The following CALN1 variants were observed in gnomAD, a reference collection of about 807,000 sequenced individuals.
CALN1 encodes the protein calneuron 1.
A neutral mutation model predicts 30.6 loss-of-function variants in CALN1; 17 were observed. That is an observed-to-expected ratio of 0.56 (90% CI 0.38 to 0.83). The LOEUF is 0.83. Among genes scored for constraint, CALN1 ranks in the 40% least tolerant of loss-of-function variants. The pLI, the probability that CALN1 is intolerant of heterozygous loss-of-function variation, is 0.00. For synonymous variants in CALN1, 156 were observed against 131.4 expected (o/e 1.19, Z -1.28); for missense variants, 291 against 354.9 (o/e 0.82, Z 1.45).
intron 1 of CALN1, among the ~76,000 whole-genome samples, chr7:72,404,406 G>A (rs964614914): frequency 2.0e-5 from 3 of 152,126 alleles, no homozygotes; most frequent in Non-Finnish European, 4.4e-5. Flanking sequence ...TTCATTGAAG[G>A]TAAAAACAAA....
intron 2 of CALN1, among the ~76,000 whole-genome samples, chr7:72,388,491 A>G (rs541086087): frequency 1.3e-5 from 2 of 152,200 alleles, no homozygotes; most frequent in Non-Finnish European, 2.9e-5. Flanking sequence ...ATAATGTATC[A>G]AAGTGGTTCA....
chr7:72,447,631 GCA>G (rs1385949292), upstream of CALN1, among the ~76,000 whole-genome samples: 1 of 152,092 alleles, frequency 6.6e-6, no homozygotes, highest in Non-Finnish European at 1.5e-5. Context: ...TAAGCTGCAT[GCA>G]CACACGCCTA....
chr7:72,288,440 T>A (rs1312299179), intron 2 of CALN1, among the ~76,000 whole-genome samples: 1 of 152,158 alleles, frequency 6.6e-6, no homozygotes, highest in Non-Finnish European at 1.5e-5. Context: ...TCTGCCACAT[T>A]GTTTTCATTA....
At chr7:71,983,408 T>C (rs543844129) in intron 5 of CALN1, among the ~76,000 whole-genome samples, 55 of 152,250 alleles carry the variant, frequency 3.6e-4, no homozygotes, top group African/African-American at 1.2e-3. Flanking sequence ...ATAAGGATAG[T>C]ACAAATGAGT....
intron 6 of CALN1, 43 bp from the exon 7 acceptor site, chr7:71,787,945 T>C: frequency 6.2e-7 from 1 of 1,612,920 alleles, no homozygotes; most frequent in Non-Finnish European, 8.5e-7. Context: ...GAAGAGGGGT[T>C]GGGAGAAGAG....
chr7:72,319,362 G>A (rs573629564), intron 2 of CALN1, among the ~76,000 whole-genome samples: 73 of 152,116 alleles, frequency 4.8e-4, no homozygotes, highest in Non-Finnish European at 9.6e-4. Flanking sequence ...GGCAAAGACA[G>A]AGAGCTTGTG....
rs557483671 is a variant in CALN1 at position 72,292,913 on chromosome 7, C to T, written c.120-14103G>A. 3.1e-4 allele frequency among the ~76,000 whole-genome samples: 47 copies of T among 151,926 alleles called. 1 individual carries two copies. Among genetic ancestry groups the T allele is most frequent in the African/African-American group, 1.0e-3 (43 of 41,444 alleles). ...GGCTGGGAAACCGGAGTCTCATTTCCTATTTCCTGCCTGTGCCAGTCCAAG... is the reference window on the plus strand; with the variant it reads ...GGCTGGGAAACCGGAGTCTCATTTCTTATTTCCTGCCTGTGCCAGTCCAAG... On this transcript the variant is annotated intron_variant, in intron 2 of 6. Transcript: ENST00000395275.
intron 2 of CALN1, among the ~76,000 whole-genome samples, chr7:72,371,742 G>C (rs528685126): frequency 1.3e-5 from 2 of 152,276 alleles, no homozygotes; most frequent in Non-Finnish European, 2.9e-5. Context: ...GTTTCACCAG[G>C]TTTCACTGAT....
chr7:72,412,982 G>A (rs1807273481), upstream of CALN1, among the ~76,000 whole-genome samples: 1 of 152,210 alleles, frequency 6.6e-6, no homozygotes, highest in Non-Finnish European at 1.5e-5. Flanking sequence ...TCTGATGGCT[G>A]TGCTGGCTCA....
chr7:72,034,366 A>AAAAAG (rs1348720335), intron 4 of CALN1, among the ~76,000 whole-genome samples: 1 of 150,988 alleles, frequency 6.6e-6, no homozygotes, highest in South Asian at 2.1e-4. Flanking sequence ...AAAAAAAAAA[A>AAAAAG]AAAAGAAAAG....
rs190437112 is a variant in CALN1, at chr7:72,156,575, G to A, written c.245-50281C>T. 5.3e-5 allele frequency among the ~76,000 whole-genome samples: 8 copies of A among 152,314 alleles called. No individual in the cohort carries two copies. In the East Asian group the frequency reaches 1.5e-3, roughly 29 times the overall value. ...AGCCAGCACAGAGCCATCCCTTGGG[G>A]AAGGGCCCCATGAGTCCCCATGTCA... On this transcript the variant is annotated intron_variant, in intron 3 of 6. Coordinates refer to ENST00000395275, the MANE Select transcript of CALN1 (RefSeq NM_031468.4).
intron 5 of CALN1, among the ~76,000 whole-genome samples, chr7:71,922,064 C>T (rs951616832): frequency 6.6e-6 from 1 of 152,140 alleles, no homozygotes; most frequent in Non-Finnish European, 1.5e-5. Flanking sequence ...GTGAGCCTGC[C>T]CTCAGGGAGC....
intron 2 of CALN1, among the ~76,000 whole-genome samples, chr7:72,376,957 T>C (rs1049453975): frequency 2.0e-5 from 3 of 152,228 alleles, no homozygotes; most frequent in Admixed American, 6.5e-5. Flanking sequence ...CTTTCCTCCA[T>C]TGAATGGCCT....
intron 5 of CALN1, among the ~76,000 whole-genome samples, chr7:71,996,645 G>A (rs1799266992): frequency 6.6e-6 from 1 of 152,196 alleles, no homozygotes; most frequent in Admixed American, 6.5e-5. Flanking sequence ...GCAAGGGGGA[G>A]GGAGAGCATC....
At chr7:72,232,939 T>C (rs1794215158) in intron 3 of CALN1, among the ~76,000 whole-genome samples, 2 of 152,168 alleles carry the variant, frequency 1.3e-5, no homozygotes, top group South Asian at 2.1e-4. Flanking sequence ...TAATTTGCTA[T>C]ATTTTTAATT....
intron 3 of CALN1, among the ~76,000 whole-genome samples, chr7:72,140,171 T>C (rs980857339): frequency 3.3e-5 from 5 of 151,594 alleles, no homozygotes; most frequent in African/African-American, 4.8e-5. Flanking sequence ...CTAGGGAGAC[T>C]GAGGCAAGAG....
intron 2 of CALN1, among the ~76,000 whole-genome samples, chr7:72,299,364 A>T (rs916564874): frequency 6.6e-6 from 1 of 152,218 alleles, no homozygotes; most frequent in Non-Finnish European, 1.5e-5. Context: ...CATGAACACA[A>T]TAAGAGACTA....
At position 72,383,636 on chromosome 7, in the gene CALN1, T is replaced by C. The variant is rs140668856; in HGVS notation, c.119+19615A>G. Among the ~76,000 whole-genome samples, 224 of 152,276 alleles carry C rather than the reference T, an allele frequency of 1.5e-3. 1 individual carries two copies. Among genetic ancestry groups the C allele is most frequent in the African/African-American group, 4.9e-3 (205 of 41,560 alleles). On this transcript the variant is annotated intron_variant, in intron 2 of 6. Coordinates refer to ENST00000395275, the MANE Select transcript of CALN1 (RefSeq NM_031468.4). ...GATGGTCCTTGTATAACTACAAGTA[T>C]AGGACCCCATCTTACCTCTAAGGAA...
At chr7:71,944,801 G>C (rs1164210821) in intron 5 of CALN1, among the ~76,000 whole-genome samples, 3 of 152,048 alleles carry the variant, frequency 2.0e-5, no homozygotes, top group Non-Finnish European at 2.9e-5. Flanking sequence ...TCTAATCTTT[G>C]AATTTGTGCT....
Sources: gnomAD v4.1 joint callset for allele counts (sites outside exome capture counted in the v4.1 genomes callset) on GRCh38, gnomAD v4.1.1 for gene constraint, MANE v1.5 for transcripts, NCBI Gene and HGNC (gene_info 2026-07-23, HGNC 2026-07-21) for gene names.